The following CADM1 variants were observed in gnomAD, a reference collection of about 807,000 sequenced individuals.
CADM1 encodes the protein cell adhesion molecule 1.
CADM1 carries 15 observed loss-of-function variants against 53.1 expected under a neutral mutation model. The ratio of observed to expected loss-of-function variants is 0.28; its 90% CI spans 0.19 to 0.44. CADM1 has a LOEUF of 0.44. CADM1 is among the 20% of genes least tolerant of loss of function. CADM1 has a pLI of 1.00. For synonymous variants in CADM1, 281 were observed against 243.0 expected (o/e 1.16, Z -1.45); for missense variants, 434 against 611.3 (o/e 0.71, Z 3.06).
intron 1 of CADM1, among the ~76,000 whole-genome samples, chr11:115,491,496 G>C (rs543851995): frequency 6.6e-6 from 1 of 151,944 alleles, no homozygotes. Flanking sequence ...ACCTGGCGGC[G>C]GGGAGCCTGC....
chr11:115,435,051 G>C (rs1025781672), intron 1 of CADM1, among the ~76,000 whole-genome samples: 6 of 151,748 alleles, frequency 4.0e-5, no homozygotes, highest in Non-Finnish European at 8.8e-5. Flanking sequence ...AGTAGAGACA[G>C]GGTTTCTCCA....
At chr11:115,335,551 G>C (rs531482601) in intron 1 of CADM1, among the ~76,000 whole-genome samples, 1 of 152,156 alleles carries the variant, frequency 6.6e-6, no homozygotes, top group South Asian at 2.1e-4. Context: ...CTCAACAAGT[G>C]GTGGCTTCTT....
intron 1 of CADM1, among the ~76,000 whole-genome samples, chr11:115,336,957 C>T (rs928373578): frequency 2.0e-5 from 3 of 152,058 alleles, no homozygotes; most frequent in Non-Finnish European, 2.9e-5. Context: ...CATAAATTAC[C>T]CATTTCATTC....
chr11:115,271,066 G>A (rs945256376), intron 1 of CADM1, among the ~76,000 whole-genome samples: 1 of 152,322 alleles, frequency 6.6e-6, no homozygotes, highest in East Asian at 1.9e-4. Context: ...CAACCTGGAT[G>A]AGGGACAGAG....
chr11:115,187,117 T>C (rs1379378354), intron 10 of CADM1, among the ~76,000 whole-genome samples: 1 of 152,272 alleles, frequency 6.6e-6, no homozygotes. Flanking sequence ...TTTAGATTTA[T>C]GGGCTATAAC....
intron 9 of CADM1, among the ~76,000 whole-genome samples, chr11:115,197,930 G>A (rs1041173788): frequency 2.0e-5 from 3 of 152,142 alleles, no homozygotes; most frequent in Non-Finnish European, 4.4e-5. Context: ...AGAAGCTCAC[G>A]ATTTTAAACA....
chr11:115,198,392 A>G lies in CADM1; in HGVS notation c.1111+14T>C. The stretch of plus-strand genomic sequence containing the variant: ...AGTGCTGAGAAAGTAGATAAACAGT[A>G]ATGTGATACCAACCGTGAACTGCTG... On this transcript the variant is annotated intron_variant, in intron 9 of 11. Transcript: ENST00000331581. The G allele has an allele frequency of 6.3e-7, 1 of 1,589,446 alleles. No individual in the cohort carries two copies. Among genetic ancestry groups the G allele is most frequent in the Non-Finnish European group, 8.5e-7 (1 of 1,173,868 alleles).
At position 115,476,776 on chromosome 11, in the gene CADM1, A is replaced by G. The variant is rs114490491; in HGVS notation, c.124+27495T>C. On this transcript the variant is annotated intron_variant, in intron 1 of 11. Transcript: ENST00000331581. ...AATCAACAACCGTATATATCTCATA[A>G]TGAGGTACTTAACTTTGTCATCCTA... is the stretch of plus-strand genomic sequence containing the variant. Among the ~76,000 whole-genome samples, 544 of 152,286 alleles carry G rather than the reference A, an allele frequency of 3.6e-3. 5 individuals are homozygous for G. The highest frequency in any genetic ancestry group is 0.013 in the African/African-American group (532 of 41,574).
Position 115,191,034 on chromosome 11 carries a change from G to A in CADM1, c.1112-93C>T, listed in dbSNP as rs1169266584. On this transcript the variant is annotated intron_variant, in intron 9 of 11. Transcript: ENST00000331581. ...TGAGGATGAATTTCTTTAAAAACATGAGCCAAATCTCTTGCTATCTATGTT... is the reference window on the plus strand; with the variant it reads ...TGAGGATGAATTTCTTTAAAAACATAAGCCAAATCTCTTGCTATCTATGTT... The A allele has an allele frequency of 3.0e-5, 30 of 1,004,976 alleles. No homozygotes were observed. The Admixed American group carries it at 6.1e-4, about 21-fold the overall frequency. 62.3% of individuals were successfully genotyped at this position (1,004,976 alleles called of 1,614,324 possible).
At chr11:115,456,088 C>T (rs1450668918) in intron 1 of CADM1, among the ~76,000 whole-genome samples, 3 of 152,094 alleles carry the variant, frequency 2.0e-5, no homozygotes, top group Non-Finnish European at 4.4e-5. Context: ...GAGCCATAAT[C>T]TTAATAGTTT....
In CADM1 at chr11:115,174,149, A is replaced by C; in HGVS notation, c.*2325T>G. The C allele has an allele frequency of 1.0e-6, 1 of 985,450 alleles. No individual in the cohort carries two copies. The highest frequency in any genetic ancestry group is 1.2e-6 in the Non-Finnish European group (1 of 829,922). The allele number at this position is 985,450 out of a possible 1,614,324, so 61.0% of individuals were successfully genotyped here. On this transcript the variant is annotated 3_prime_UTR_variant, in exon 12 of 12. Transcript: ENST00000331581. ...CAATCGCAACACATGAACCTGAGAC[A>C]TGTCAACATTGTAAGCCATAAAGTT...
intron 1 of CADM1, among the ~76,000 whole-genome samples, chr11:115,258,949 T>A (rs979185155): frequency 6.6e-6 from 1 of 152,166 alleles, no homozygotes; most frequent in Admixed American, 6.5e-5. Context: ...AAGCTTTTAA[T>A]TTTTTTAAAG....
chr11:115,230,895 T>C (rs1188381473), intron 4 of CADM1, among the ~76,000 whole-genome samples: 1 of 152,238 alleles, frequency 6.6e-6, no homozygotes, highest in Non-Finnish European at 1.5e-5. Context: ...GACGTCAGAA[T>C]GACTTGGAAT....
intron 1 of CADM1, among the ~76,000 whole-genome samples, chr11:115,492,906 T>A (rs1949529175): frequency 6.6e-6 from 1 of 150,432 alleles, no homozygotes; most frequent in South Asian, 2.1e-4. Flanking sequence ...CACATATAAC[T>A]TTTTTTTGAG....
chr11:115,453,361 A>G (rs1332022329), intron 1 of CADM1, among the ~76,000 whole-genome samples: 2 of 150,036 alleles, frequency 1.3e-5, no homozygotes, highest in Non-Finnish European at 3.0e-5. Flanking sequence ...GTGAAACCCT[A>G]TACCCCCCTC....
chr11:115,260,514 T>C (rs1942939737), intron 1 of CADM1, among the ~76,000 whole-genome samples: 1 of 152,190 alleles, frequency 6.6e-6, no homozygotes, highest in South Asian at 2.1e-4. Flanking sequence ...TGGCCAGTTT[T>C]CAGAATAATG....
At chr11:115,404,050 G>T (rs1374407196) in intron 1 of CADM1, among the ~76,000 whole-genome samples, 1 of 150,948 alleles carries the variant, frequency 6.6e-6, no homozygotes, top group South Asian at 2.1e-4. Flanking sequence ...ATTAGGCTGG[G>T]CACAGTTGCT....
At chr11:115,468,330 G>A (rs200379110) in intron 1 of CADM1, among the ~76,000 whole-genome samples, 1 of 152,162 alleles carries the variant, frequency 6.6e-6, no homozygotes, top group East Asian at 1.9e-4. Context: ...CGGGTGCACT[G>A]GAAAGAAAAA....
chr11:115,446,803 G>T (rs1395802462), intron 1 of CADM1, among the ~76,000 whole-genome samples: 1 of 152,162 alleles, frequency 6.6e-6, no homozygotes, highest in Admixed American at 6.5e-5. Context: ...TCCTGGAGGG[G>T]TATCCCTGAG....
Sources: gnomAD v4.1 joint callset for allele counts (sites outside exome capture counted in the v4.1 genomes callset) on GRCh38, gnomAD v4.1.1 for gene constraint, MANE v1.5 for transcripts, NCBI Gene and HGNC (gene_info 2026-07-23, HGNC 2026-07-21) for gene names.